The following COLEC12 variants were observed in gnomAD, a reference collection of about 807,000 sequenced individuals.
The protein encoded by COLEC12 is collectin subfamily member 12, also known as collectin-12.
In COLEC12, 33 loss-of-function variants were observed where a neutral mutation model predicts 71.1. The ratio of observed to expected loss-of-function variants is 0.46; its 90% CI spans 0.35 to 0.62. The LOEUF (loss-of-function observed/expected upper bound fraction) is 0.62. Among genes scored for constraint, COLEC12 ranks in the 20% least tolerant of loss-of-function variants. COLEC12 has a pLI of 0.00. For synonymous variants in COLEC12, 350 were observed against 353.0 expected (o/e 0.99, Z 0.10); for missense variants, 765 against 916.1 (o/e 0.84, Z 2.13).
rs142820324 is a variant in COLEC12 at position 490,077 on chromosome 18, G to A, written c.8-9320C>T. On this transcript the variant is annotated intron_variant, in intron 1 of 9. Transcript: ENST00000400256. ...TGGAATGTGGCGGAAGTGGGAGTGGGTGGCTCCAGGGCCCTGGCCTTAGAG... is the reference window on the plus strand; with the variant it reads ...TGGAATGTGGCGGAAGTGGGAGTGGATGGCTCCAGGGCCCTGGCCTTAGAG... Among the ~76,000 whole-genome samples, 273 of 152,344 alleles carry A rather than the reference G, an allele frequency of 1.8e-3. 2 individuals carry two copies. The highest frequency in any genetic ancestry group is 6.1e-3 in the African/African-American group (254 of 41,582).
At chr18:440,543 T>C (rs1916498921) in intron 2 of COLEC12, among the ~76,000 whole-genome samples, 1 of 152,158 alleles carries the variant, frequency 6.6e-6, no homozygotes, top group African/African-American at 2.4e-5. Flanking sequence ...CCGAAAAAAT[T>C]CATGAGTTTG....
At chr18:401,918 G>T (rs1165219092) in intron 2 of COLEC12, among the ~76,000 whole-genome samples, 1 of 152,130 alleles carries the variant, frequency 6.6e-6, no homozygotes. Context: ...GGCTTCTGGA[G>T]GAGTTGACAT....
chr18:413,389 G>A (rs1169250181), intron 2 of COLEC12, among the ~76,000 whole-genome samples: 3 of 152,218 alleles, frequency 2.0e-5, no homozygotes, highest in Admixed American at 2.0e-4. Context: ...TCACTCATAT[G>A]CTGCTGGTGA....
intron 7 of COLEC12, 152 bp downstream of exon 7, chr18:332,855 C>A: frequency 1.6e-6 from 1 of 623,546 alleles, no homozygotes; most frequent in Non-Finnish European, 2.7e-6. Context: ...CTTCTAGCCA[C>A]TGGATGAAAC....
intron 2 of COLEC12, among the ~76,000 whole-genome samples, chr18:376,111 TG>T (rs1469070033): frequency 6.6e-6 from 1 of 152,154 alleles, no homozygotes; most frequent in Non-Finnish European, 1.5e-5. Flanking sequence ...TGCTCTGCTT[TG>T]GAAGTCCTGG....
At chr18:432,071 C>T (rs1206287211) in intron 2 of COLEC12, among the ~76,000 whole-genome samples, 5 of 152,168 alleles carry the variant, frequency 3.3e-5, no homozygotes, top group African/African-American at 1.2e-4. Context: ...CTGTCATTAA[C>T]TTTAAATACG....
chr18:472,568 T>A (rs1353854996), intron 2 of COLEC12, among the ~76,000 whole-genome samples: 1 of 150,180 alleles, frequency 6.7e-6, no homozygotes, highest in Non-Finnish European at 1.5e-5. Context: ...GTGCTTGTGG[T>A]CCCAGCTACT....
chr18:462,286 C>A (rs1348598095), intron 2 of COLEC12, among the ~76,000 whole-genome samples: 2 of 152,180 alleles, frequency 1.3e-5, no homozygotes, highest in African/African-American at 4.8e-5. Context: ...AAATGCCTAC[C>A]AATTGATGAA....
intron 2 of COLEC12, among the ~76,000 whole-genome samples, chr18:456,790 C>T (rs1009455299): frequency 6.6e-6 from 1 of 152,206 alleles, no homozygotes; most frequent in Non-Finnish European, 1.5e-5. Context: ...TATTTTGAGT[C>T]TGGAGAGATT....
At chr18:496,196 T>C (rs563220066) in intron 1 of COLEC12, among the ~76,000 whole-genome samples, 1 of 152,306 alleles carries the variant, frequency 6.6e-6, no homozygotes, top group African/African-American at 2.4e-5. Context: ...AATGAGATAC[T>C]CTGTTATGAC....
chr18:491,989 G>A (rs1046854184), intron 1 of COLEC12, among the ~76,000 whole-genome samples: 21 of 152,142 alleles, frequency 1.4e-4, no homozygotes, highest in African/African-American at 2.7e-4. Flanking sequence ...TCAATGCAGC[G>A]TAACAAAGTA....
intron 2 of COLEC12, among the ~76,000 whole-genome samples, chr18:441,583 T>C (rs927107771): frequency 4.6e-5 from 7 of 152,162 alleles, no homozygotes; most frequent in Non-Finnish European, 1.0e-4. Flanking sequence ...AACAATGGTG[T>C]CTATTCTACC....
intron 2 of COLEC12, among the ~76,000 whole-genome samples, chr18:437,091 T>G (rs957952314): frequency 3.3e-5 from 5 of 152,034 alleles, no homozygotes; most frequent in African/African-American, 1.2e-4. Flanking sequence ...GAAGCAGAAG[T>G]CATTGAGGAA....
intron 5 of COLEC12, among the ~76,000 whole-genome samples, chr18:341,527 T>C (rs73373527): frequency 0.01 from 1,582 of 152,322 alleles, 23 homozygotes; most frequent in African/African-American, 0.036. Context: ...AATCCAGCAG[T>C]AAGCACTTTT....
chr18:380,296 C>A (rs928273333), intron 2 of COLEC12, among the ~76,000 whole-genome samples: 3 of 152,114 alleles, frequency 2.0e-5, no homozygotes, highest in Non-Finnish European at 2.9e-5. Flanking sequence ...ATATGCTTTT[C>A]CCTCTGACTG....
chr18:362,433 C>T lies in COLEC12; in HGVS notation c.59-4911G>A, dbSNP rs1171069295. The stretch of plus-strand genomic sequence containing the variant: ...GGATGCCTACTACAAAGGGACCCTG[C>T]TGGCTCCTGTAGCTGGGGCACCCCC... On this transcript the variant is annotated intron_variant, in intron 2 of 9. Coordinates refer to ENST00000400256, the MANE Select transcript of COLEC12 (RefSeq NM_130386.3). This position sits in a 1 kb window ranked among gnomAD's most constrained non-coding sequence, Gnocchi z 4.6. 6.6e-6 allele frequency among the ~76,000 whole-genome samples: 1 copy of T among 152,136 alleles called. No individual in the cohort carries two copies. The highest frequency in any genetic ancestry group is 1.5e-5 in the Non-Finnish European group (1 of 68,024).
chr18:398,861 G>A (rs1305932419), intron 2 of COLEC12, among the ~76,000 whole-genome samples: 3 of 152,266 alleles, frequency 2.0e-5, no homozygotes, highest in East Asian at 1.9e-4. Context: ...TTGACCTCAC[G>A]TTCCACATGC....
intron 2 of COLEC12, among the ~76,000 whole-genome samples, chr18:376,755 T>C (rs1915123314): frequency 6.6e-6 from 1 of 152,188 alleles, no homozygotes; most frequent in South Asian, 2.1e-4. Context: ...CCCAAGACTC[T>C]CGTCTTTCTC....
intron 2 of COLEC12, among the ~76,000 whole-genome samples, chr18:398,147 T>C (rs3932728): frequency 0.65 from 99,100 of 152,136 alleles, 33,322 homozygotes; most frequent in South Asian, 0.86. Context: ...ATCGAAACTA[T>C]GAGAAACTGG....
Sources: allele counts gnomAD v4.1 joint callset (sites outside exome capture counted in the v4.1 genomes callset), GRCh38; gene constraint gnomAD v4.1.1; non-coding constraint Gnocchi (gnomAD v3.1); transcripts MANE v1.5; gene names NCBI Gene and HGNC (gene_info 2026-07-23, HGNC 2026-07-21).